RASAL3: variants seen among roughly 807,000 people sequenced by gnomAD.
RASAL3 encodes the protein RAS protein activator like 3.
Under a neutral mutation model 105.5 loss-of-function variants are expected in RASAL3, and 74 were observed. The observed-to-expected ratio is 0.70, with a 90% CI of 0.58 to 0.85. RASAL3 has a LOEUF of 0.85. Among genes scored for constraint, RASAL3 ranks in the 40% least tolerant of loss-of-function variants. The probability of loss-of-function intolerance (pLI) is 0.00; values close to 1 mark genes in which losing one functional copy is unlikely to be tolerated. For synonymous variants in RASAL3, 579 were observed against 591.6 expected, an observed-to-expected ratio of 0.98 and a Z score of 0.31; for missense variants, 1,352 against 1,392.0, an observed-to-expected ratio of 0.97 and a Z score of 0.46.
At chr19:15,460,366 G>A in intron 5 of RASAL3, 108 bp from the exon 6 acceptor site, 2 of 962,598 alleles carry the variant, frequency 2.1e-6, no homozygotes, top group Non-Finnish European at 3.2e-6. Context: ...CCAACACCAA[G>A]CTCAGGCTGT....
In RASAL3 at chr19:15,454,511, T is replaced by A; in HGVS notation, c.2010A>T (p.Glu670Asp). The A allele has an allele frequency of 6.2e-7, 1 of 1,613,964 alleles. No individual in the cohort carries two copies. The highest frequency in any genetic ancestry group is 1.3e-5 in the African/African-American group (1 of 75,030). Residue 670 changes from glutamate to aspartate, a missense_variant, in exon 13 of 18, where the codon GAA (glutamate) becomes GAT (aspartate). Around this residue, in one of 3 missense-constraint regions of RASAL3, gnomAD observed 920 missense variants for 919.6 expected, o/e 1.00. Transcript: ENST00000343625. ...GGAAGCATTGCATGGCTGGTCCATG[T>A]TCCTCCAGGAAGCTATTCATGAAGC... is the stretch of plus-strand genomic sequence containing the variant. ...YMGFMNSFLEEHGPAMQCFLD... is the reference protein window; with the variant it reads ...YMGFMNSFLEDHGPAMQCFLD...
rs796495874 is a variant in RASAL3 at position 15,456,491 on chromosome 19, C to A, written c.1576+11G>T. On this transcript the variant is annotated intron_variant, in intron 10 of 17. Transcript: ENST00000343625. The surrounding 1 kb of genome is among the most constrained non-coding windows in gnomAD (Gnocchi z 4.4). Reference sequence around the variant, plus strand: ...CAGCAGGCCGCTGACATGGACTCTCCCCCAGCTCACCCAGGGTCTCCTGGA... The same window carrying A: ...CAGCAGGCCGCTGACATGGACTCTCACCCAGCTCACCCAGGGTCTCCTGGA... 6.2e-7 allele frequency: 1 copy of A among 1,613,350 alleles called. No individual in the cohort carries two copies.
chr19:15,457,851 G>A lies in RASAL3; in HGVS notation c.889-17C>T. 6.5e-7 allele frequency: 1 copy of A among 1,547,514 alleles called. No homozygotes were observed. Among genetic ancestry groups the A allele is most frequent in the Middle Eastern group, 2.3e-4 (1 of 4,410 alleles). On this transcript the variant is annotated splice_polypyrimidine_tract_variant and intron_variant, in intron 8 of 17. Coordinates refer to ENST00000343625, the MANE Select transcript of RASAL3 (RefSeq NM_022904.3). The surrounding 1 kb of genome is among the most constrained non-coding windows in gnomAD (Gnocchi z 8.6). ...CACGTTGTCCTGCAGATGGGAGTGGGATGGGGGGAAGCGTTTTGGTTTGTT... is the reference window on the plus strand; with the variant it reads ...CACGTTGTCCTGCAGATGGGAGTGGAATGGGGGGAAGCGTTTTGGTTTGTT...
intron 6 of RASAL3, among the ~76,000 whole-genome samples, chr19:15,459,900 T>C (rs575875699): frequency 2.6e-5 from 4 of 152,238 alleles, no homozygotes; most frequent in African/African-American, 9.6e-5. Flanking sequence ...TGGAATGCTT[T>C]TTCCACCCCC....
Position 15,456,604 on chromosome 19 carries a change from C to CG in RASAL3, c.1473_1474insC (p.Gly492ArgfsTer4). 6.2e-7 allele frequency: 1 copy of CG among 1,613,462 alleles called. No individual in the cohort carries two copies. The highest frequency in any genetic ancestry group is 8.5e-7 in the Non-Finnish European group (1 of 1,179,738). ...CGGAACAGCAGCGCCTCACGGCCTC[C>CG]ACAGCGCGCCAGCTCCGCAGTGCCC... On this transcript the variant is annotated frameshift_variant, in exon 10 of 18. Coordinates refer to ENST00000343625, the MANE Select transcript of RASAL3 (RefSeq NM_022904.3). LOFTEE classifies it high-confidence loss of function. This position sits in a 1 kb window ranked among gnomAD's most constrained non-coding sequence, Gnocchi z 4.4.
intron 1 of RASAL3, 59 bp from the exon 2 acceptor site, chr19:15,464,436 C>G (rs979144464): frequency 8.0e-6 from 11 of 1,378,148 alleles, no homozygotes; most frequent in African/African-American, 1.4e-5. Flanking sequence ...GCCCTCATCT[C>G]GGCCCCCTCC....
At chr19:15,461,191 C>T (rs777115388) in intron 4 of RASAL3, 27 bp downstream of exon 4, 1 of 1,613,504 alleles carries the variant, frequency 6.2e-7, no homozygotes, top group Non-Finnish European at 8.5e-7. Context: ...CCCAAATGCC[C>T]CAGGCCTTTC....
In RASAL3 at chr19:15,464,359, G is replaced by T; in HGVS notation, c.-1C>A. On this transcript the variant is annotated 5_prime_UTR_variant, in exon 2 of 18. Coordinates refer to ENST00000343625, the MANE Select transcript of RASAL3 (RefSeq NM_022904.3). ...TCCGGCTTGGCGACGGTGGGTCCAT[G>T]GTTGGGGGGGGGGGTCTCCTGGGGG... is the stretch of plus-strand genomic sequence containing the variant. 1 of 1,486,704 alleles carries T rather than the reference G, an allele frequency of 6.7e-7. No individual in the cohort carries two copies. The highest frequency in any genetic ancestry group is 9.0e-7 in the Non-Finnish European group (1 of 1,105,016). 92.1% of individuals were successfully genotyped at this position (1,486,704 alleles called of 1,614,324 possible).
intron 11 of RASAL3, among the ~76,000 whole-genome samples, chr19:15,455,863 C>T (rs967332374): frequency 3.0e-4 from 45 of 152,258 alleles, no homozygotes; most frequent in African/African-American, 9.4e-4. Context: ...GTTGCCCAGA[C>T]TGGCCTTGAA....
At chr19:15,458,733 C>A (rs1425674229) in intron 6 of RASAL3, 78 bp from the exon 7 acceptor site, 53 of 1,529,540 alleles carry the variant, frequency 3.5e-5, no homozygotes, top group Non-Finnish European at 3.4e-5. Flanking sequence ...AGAGGAAGGC[C>A]AGGAAGGACT....
chr19:15,464,379 TG>T lies in RASAL3; in HGVS notation c.-19-3del. 9.8e-6 allele frequency: 8 copies of T among 817,310 alleles called. No individual in the cohort carries two copies. The highest frequency in any genetic ancestry group is 1.4e-5 in the South Asian group (1 of 70,752). The allele number at this position is 817,310 out of a possible 1,614,324, so 50.6% of individuals were successfully genotyped here. A position where few individuals can be genotyped will look rare whatever the true frequency, so the allele number is the denominator to read the frequency against. On this transcript the variant is annotated splice_polypyrimidine_tract_variant and splice_region_variant and intron_variant, in intron 1 of 17. Coordinates refer to ENST00000343625, the MANE Select transcript of RASAL3 (RefSeq NM_022904.3). ...TCCATGGTTGGGGGGGGGGGTCTCC[TG>T]GGGGACGAGAGAGTGACAGTAGTGC... is the stretch of plus-strand genomic sequence containing the variant.
At chr19:15,462,830 A>G (rs973038467) in intron 2 of RASAL3, among the ~76,000 whole-genome samples, 1 of 151,788 alleles carries the variant, frequency 6.6e-6, no homozygotes, top group Admixed American at 6.6e-5. Flanking sequence ...GGGTTCCTGT[A>G]GTCCCAGCTG....
Position 15,457,285 on chromosome 19 carries a change from G to A in RASAL3, c.1431+7C>T. ...TAGCCCCGGTCCGCGCTGTCGCGGT[G>A]CCGCACCTGCGCCCGGCCGGTGGCC... On this transcript the variant is annotated splice_region_variant and intron_variant, in intron 9 of 17. Coordinates refer to ENST00000343625, the MANE Select transcript of RASAL3 (RefSeq NM_022904.3). The surrounding 1 kb of genome is among the most constrained non-coding windows in gnomAD (Gnocchi z 8.6). The A allele has an allele frequency of 7.8e-7, 1 of 1,285,636 alleles. No individual in the cohort carries two copies. 79.6% of individuals were successfully genotyped at this position (1,285,636 alleles called of 1,614,324 possible). A position where few individuals can be genotyped will look rare whatever the true frequency, so the allele number is the denominator to read the frequency against.
chr19:15,464,084 C>T lies in RASAL3; in HGVS notation c.275G>A (p.Arg92Lys), dbSNP rs1445239502. 11 of 1,602,132 alleles carry T rather than the reference C, an allele frequency of 6.9e-6. No homozygotes were observed. Among genetic ancestry groups the T allele is most frequent in the Non-Finnish European group, 9.4e-6 (11 of 1,172,470 alleles). Residue 92 changes from arginine to lysine, a missense_variant, in exon 2 of 18, where the codon AGG becomes AAG. Physicochemically the swap from Arg to Lys is conservative, Grantham distance 26. Coordinates refer to ENST00000343625, the MANE Select transcript of RASAL3 (RefSeq NM_022904.3). ...TGGCTCCGGCGGTGGGTTCTTATGC[C>T]TCCCCCAGAGGGCCTTGGAGAGTCG... ...RLRLSKALWG[R>K]HKNPPPEPDP...
In RASAL3 at chr19:15,464,347, CGGTGGGT is replaced by C; in HGVS notation, c.5_11del (p.Asp2GlyfsTer17). 5.1e-6 allele frequency: 3 copies of C among 588,578 alleles called. No individual in the cohort carries two copies. The highest frequency in any genetic ancestry group is 7.4e-6 in the Non-Finnish European group (3 of 404,648). 36.5% of individuals were successfully genotyped at this position (588,578 alleles called of 1,614,324 possible). ...GGGTTTGGGAGGTCCGGCTTGGCGA[CGGTGGGT>C]CCATGGTTGGGGGGGGGGGTCTCCT... On this transcript the variant is annotated frameshift_variant, in exon 2 of 18. Coordinates refer to ENST00000343625, the MANE Select transcript of RASAL3 (RefSeq NM_022904.3). LOFTEE classifies it high-confidence loss of function.
rs147146430 is a variant in RASAL3, at chr19:15,456,580, G to T, written c.1498C>A (p.Arg500=). The T allele has an allele frequency of 1.2e-6, 2 of 1,613,608 alleles. No homozygotes were observed. The highest frequency in any genetic ancestry group is 4.5e-5 in the East Asian group (2 of 44,874). The change falls in exon 10 of 18, where the codon CGG becomes AGG. Residue 500 remains arginine (R), a synonymous_variant. Coordinates refer to ENST00000343625, the MANE Select transcript of RASAL3 (RefSeq NM_022904.3). This position sits in a 1 kb window ranked among gnomAD's most constrained non-coding sequence, Gnocchi z 4.4. ...GCCTTGGTGGCCAATGTGTTTTCCC[G>T]GAACAGCAGCGCCTCACGGCCTCCA... The part of the protein sequence containing the change: ...RCGGREALLF[R]ENTLATKAID...
At position 15,464,136 on chromosome 19, in the gene RASAL3, G is replaced by C. The variant is rs763038054; in HGVS notation, c.223C>G (p.Pro75Ala). ...AGGCGACTGGTCCGTGACTCCTTGG[G>C]AGGCGCAGATAGGACCCGACGGAAT... ...SIFRRVLSAP[P>A]KESRTSRLRL... Residue 75 changes from proline (P) to alanine (A), a missense_variant, in exon 2 of 18, where the codon CCC becomes GCC. Transcript: ENST00000343625. The C allele has an allele frequency of 6.2e-6, 10 of 1,613,662 alleles. No individual in the cohort carries two copies. Among genetic ancestry groups the C allele is most frequent in the Non-Finnish European group, 8.5e-6 (10 of 1,179,840 alleles).
rs759723603 is a variant in RASAL3 at position 15,461,043 on chromosome 19, T to G, written c.606+17A>C. On this transcript the variant is annotated intron_variant, in intron 5 of 17. Coordinates refer to ENST00000343625, the MANE Select transcript of RASAL3 (RefSeq NM_022904.3). ...TTGGCTCTCCCCTCTACCTCCCACC[T>G]TCACTGGCTGCCTTACCCGAACGTT... The G allele has an allele frequency of 6.2e-7, 1 of 1,613,154 alleles. No homozygotes were observed. The highest frequency in any genetic ancestry group is 1.7e-5 in the Admixed American group (1 of 59,962).
chr19:15,454,933 T>G, intron 11 of RASAL3, 40 bp from the exon 12 acceptor site: 1 of 1,457,570 alleles, frequency 6.9e-7, no homozygotes, highest in Non-Finnish European at 9.2e-7. Flanking sequence ...ACGGGGAGGC[T>G]ATGGGCATAA....
Sources: allele counts gnomAD v4.1 joint callset (sites outside exome capture counted in the v4.1 genomes callset), GRCh38; gene constraint gnomAD v4.1.1; regional missense constraint gnomAD v4.1.1; non-coding constraint Gnocchi (gnomAD v3.1); transcripts MANE v1.5; gene names NCBI Gene and HGNC (gene_info 2026-07-23, HGNC 2026-07-21).